The following UBASH3B variants were observed in gnomAD, a reference collection of about 807,000 sequenced individuals.
The protein encoded by UBASH3B is ubiquitin associated and SH3 domain containing B.
UBASH3B carries 37 observed loss-of-function variants against 83.4 expected under a neutral mutation model. The ratio of observed to expected loss-of-function variants is 0.44; its 90% CI spans 0.34 to 0.58. The LOEUF (loss-of-function observed/expected upper bound fraction) is 0.58, where lower values mean the gene tolerates loss of function less well. Among genes scored for constraint, UBASH3B ranks in the 20% least tolerant of loss-of-function variants. The probability of loss-of-function intolerance (pLI) is 0.01; values close to 1 mark genes in which losing one functional copy is unlikely to be tolerated. For synonymous variants in UBASH3B, 304 were observed against 318.3 expected, an observed-to-expected ratio of 0.96 and a Z score of 0.48; for missense variants, 657 against 827.2, an observed-to-expected ratio of 0.79 and a Z score of 2.52.
chr11:122,748,964 C>A (rs1738854497), intron 1 of UBASH3B, among the ~76,000 whole-genome samples: 1 of 152,246 alleles, frequency 6.6e-6, no homozygotes, highest in Non-Finnish European at 1.5e-5. Context: ...GAACCCTCAA[C>A]TTTGGCTACG....
intron 11 of UBASH3B, among the ~76,000 whole-genome samples, chr11:122,805,502 G>A (rs1022771092): frequency 9.2e-5 from 14 of 151,930 alleles, no homozygotes; most frequent in African/African-American, 1.2e-4. Flanking sequence ...ATTGCACTCC[G>A]GCCTGGGCAA....
intron 1 of UBASH3B, among the ~76,000 whole-genome samples, chr11:122,740,117 T>C (rs1196764569): frequency 6.6e-6 from 1 of 152,228 alleles, no homozygotes; most frequent in African/African-American, 2.4e-5. Context: ...GCCTGGCATC[T>C]GCAGTGCAAA....
At chr11:122,710,792 C>T (rs1275686169) in intron 1 of UBASH3B, among the ~76,000 whole-genome samples, 2 of 151,458 alleles carry the variant, frequency 1.3e-5, no homozygotes, top group African/African-American at 4.9e-5. Flanking sequence ...TACCACTTCC[C>T]TAGAGCTTTT....
chr11:122,726,946 G>C (rs1412516881), intron 1 of UBASH3B, among the ~76,000 whole-genome samples: 1 of 152,238 alleles, frequency 6.6e-6, no homozygotes, highest in Non-Finnish European at 1.5e-5. Context: ...GATGCTCAGA[G>C]TAGTGCTGTT....
intron 7 of UBASH3B, among the ~76,000 whole-genome samples, chr11:122,795,437 G>A (rs1328015431): frequency 6.6e-6 from 1 of 152,204 alleles, no homozygotes; most frequent in East Asian, 1.9e-4. Context: ...CAAATGTGAA[G>A]TGCTGGCCCG....
At chr11:122,800,757 G>A (rs893437297) in intron 10 of UBASH3B, among the ~76,000 whole-genome samples, 2 of 151,790 alleles carry the variant, frequency 1.3e-5, no homozygotes, top group Admixed American at 6.6e-5. Context: ...ACAAGTGCAC[G>A]CCTCCACACC....
chr11:122,793,228 C>T (rs1861091135), intron 6 of UBASH3B, among the ~76,000 whole-genome samples: 1 of 152,008 alleles, frequency 6.6e-6, no homozygotes, highest in African/African-American at 2.4e-5. Flanking sequence ...ACTAAAAATA[C>T]AAAAATTAGC....
At chr11:122,696,707 G>A (rs1042478579) in intron 1 of UBASH3B, among the ~76,000 whole-genome samples, 2 of 152,186 alleles carry the variant, frequency 1.3e-5, no homozygotes, top group African/African-American at 2.4e-5. Context: ...TTCCTGGGCC[G>A]TGTTTAGTAC....
At chr11:122,743,239 AG>A (rs1861055752) in intron 1 of UBASH3B, among the ~76,000 whole-genome samples, 1 of 152,134 alleles carries the variant, frequency 6.6e-6, no homozygotes, top group African/African-American at 2.4e-5. Flanking sequence ...TCTTTGAGGC[AG>A]GGTCTTGCTA....
chr11:122,683,629 T>TAATAAA (rs1186991235), intron 1 of UBASH3B, among the ~76,000 whole-genome samples: 18 of 148,374 alleles, frequency 1.2e-4, no homozygotes, highest in Admixed American at 5.4e-4. Flanking sequence ...ATAATAATAA[T>TAATAAA]AAAATAAAAT....
intron 1 of UBASH3B, among the ~76,000 whole-genome samples, chr11:122,671,630 G>A (rs1265908460): frequency 2.0e-5 from 3 of 152,224 alleles, no homozygotes; most frequent in African/African-American, 7.2e-5. Context: ...TATCCATCAG[G>A]CCTTGGCAGG....
chr11:122,660,655 T>G (rs1203932935), intron 1 of UBASH3B, among the ~76,000 whole-genome samples: 1 of 152,208 alleles, frequency 6.6e-6, no homozygotes, highest in East Asian at 1.9e-4. Context: ...GGCTCTCATC[T>G]CTTCTGTAGC....
chr11:122,787,858 A>G (rs1420349204), intron 5 of UBASH3B, among the ~76,000 whole-genome samples: 1 of 152,206 alleles, frequency 6.6e-6, no homozygotes, highest in African/African-American at 2.4e-5. Flanking sequence ...GCCTTCAACT[A>G]ACGGCTTTGA....
At chr11:122,687,025 G>C (rs370733102) in intron 1 of UBASH3B, among the ~76,000 whole-genome samples, 4 of 151,894 alleles carry the variant, frequency 2.6e-5, no homozygotes, top group Non-Finnish European at 5.9e-5. Context: ...GCACCACCAC[G>C]CCCAGCTAAT....
chr11:122,786,767 G>T (rs1237524693), intron 5 of UBASH3B, among the ~76,000 whole-genome samples: 1 of 152,200 alleles, frequency 6.6e-6, no homozygotes, highest in East Asian at 1.9e-4. Context: ...TTAGGCTAAG[G>T]TTTTGTATCT....
intron 1 of UBASH3B, among the ~76,000 whole-genome samples, chr11:122,688,251 CT>C (rs1317618512): frequency 6.6e-6 from 1 of 151,792 alleles, no homozygotes; most frequent in East Asian, 1.9e-4. Context: ...TTCTTTCTTC[CT>C]TCCCTTCCTT....
At chr11:122,697,407 A>G (rs1323503225) in intron 1 of UBASH3B, among the ~76,000 whole-genome samples, 1 of 152,218 alleles carries the variant, frequency 6.6e-6, no homozygotes, top group Non-Finnish European at 1.5e-5. Flanking sequence ...GCACTCCAGC[A>G]TGGGCTACAA....
intron 1 of UBASH3B, among the ~76,000 whole-genome samples, chr11:122,764,953 T>C (rs1860506745): frequency 6.6e-6 from 1 of 151,548 alleles, no homozygotes; most frequent in Admixed American, 6.6e-5. Flanking sequence ...AGAAAAAAGG[T>C]AGAATCCAAG....
intron 6 of UBASH3B, among the ~76,000 whole-genome samples, chr11:122,790,642 C>T (rs1565566930): frequency 6.6e-6 from 1 of 152,104 alleles, no homozygotes; most frequent in Non-Finnish European, 1.5e-5. Flanking sequence ...TTTATCAGAT[C>T]TCTTTCTTAA....
Sources: allele counts gnomAD v4.1 joint callset (sites outside exome capture counted in the v4.1 genomes callset), GRCh38; gene constraint gnomAD v4.1.1; transcripts MANE v1.5; gene names NCBI Gene and HGNC (gene_info 2026-07-23, HGNC 2026-07-21).